Variants in GALNTL5 observed in about 807,000 individuals in gnomAD.
The protein encoded by GALNTL5 is polypeptide N-acetylgalactosaminyltransferase like 5.
GALNTL5 carries 44 observed loss-of-function variants against 51.0 expected under a neutral mutation model. The ratio of observed to expected loss-of-function variants is 0.86; its 90% CI spans 0.68 to 1.11. GALNTL5 has a LOEUF of 1.11. GALNTL5 is among the 50% of genes least tolerant of loss of function. GALNTL5 has a pLI of 0.00. For synonymous variants in GALNTL5, 192 were observed against 182.8 expected (o/e 1.05, Z -0.41); for missense variants, 528 against 531.8 (o/e 0.99, Z 0.07).
chr7:151,972,531 C>T (rs2081158016), intron 3 of GALNTL5, among the ~76,000 whole-genome samples: 1 of 152,120 alleles, frequency 6.6e-6, no homozygotes, highest in Non-Finnish European at 1.5e-5. Context: ...CATCACAGGC[C>T]CAGAGGCCTA....
intron 5 of GALNTL5, among the ~76,000 whole-genome samples, chr7:151,996,509 G>A (rs2081502582): frequency 6.6e-6 from 1 of 152,210 alleles, no homozygotes; most frequent in African/African-American, 2.4e-5. Flanking sequence ...GGAGGCTGAG[G>A]CGGGAGGATT....
At position 152,019,736 on chromosome 7, in the gene GALNTL5, A is replaced by G; in HGVS notation, c.1267A>G (p.Lys423Glu). 1 of 1,613,660 alleles carries G rather than the reference A, an allele frequency of 6.2e-7. No individual in the cohort carries two copies. The highest frequency in any genetic ancestry group is 1.1e-5 in the South Asian group (1 of 91,060). ...RVELRKRLGC[K>E]SFQWYLDNVF... ...TGAGTTAAGGAAACGACTGGGTTGC[A>G]AGTCATTTCAGTGGTATTTGGATAA... Residue 423 changes from lysine to glutamate, a missense_variant, in exon 9 of 9, where the codon AAG (lysine) becomes GAG (glutamate). Lys to Glu is a moderately conservative substitution (Grantham distance 56, BLOSUM62 1). Transcript: ENST00000392800.
At chr7:151,996,943 A>G (rs1261739727) in intron 5 of GALNTL5, among the ~76,000 whole-genome samples, 2 of 152,244 alleles carry the variant, frequency 1.3e-5, no homozygotes, top group Non-Finnish European at 2.9e-5. Flanking sequence ...AACGAAAATA[A>G]ATACAAAACA....
intron 5 of GALNTL5, among the ~76,000 whole-genome samples, chr7:152,001,434 T>A (rs914453153): frequency 6.6e-6 from 1 of 152,198 alleles, no homozygotes; most frequent in African/African-American, 2.4e-5. Context: ...ATTTGATTTT[T>A]AGTATGATAT....
chr7:152,014,267 G>A (rs1425385330), intron 7 of GALNTL5, among the ~76,000 whole-genome samples: 1 of 152,182 alleles, frequency 6.6e-6, no homozygotes, highest in Non-Finnish European at 1.5e-5. Flanking sequence ...ATGGGTTTTT[G>A]TGGTTGTCGT....
At chr7:151,987,820 G>A (rs1292365099) in intron 5 of GALNTL5, among the ~76,000 whole-genome samples, 1 of 152,232 alleles carries the variant, frequency 6.6e-6, no homozygotes, top group East Asian at 1.9e-4. Flanking sequence ...CAGACAAGGT[G>A]CAGGTCTCAG....
intron 4 of GALNTL5, among the ~76,000 whole-genome samples, chr7:151,986,860 G>A (rs953508715): frequency 2.6e-5 from 4 of 151,538 alleles, no homozygotes; most frequent in African/African-American, 9.7e-5. Context: ...CGAGTACCTG[G>A]GATTACAGGC....
chr7:152,014,450 T>G (rs903987513), intron 7 of GALNTL5, among the ~76,000 whole-genome samples, 194 bp from the exon 8 acceptor site: 1 of 152,002 alleles, frequency 6.6e-6, no homozygotes. Context: ...GTATTTTTAG[T>G]AGAGAGAGGG....
intron 5 of GALNTL5, among the ~76,000 whole-genome samples, chr7:151,997,829 T>G (rs2081519455): frequency 6.6e-6 from 1 of 152,208 alleles, no homozygotes; most frequent in Admixed American, 6.5e-5. Flanking sequence ...CAATTAGCCA[T>G]TTGGGAAAAT....
At chr7:152,005,154 T>C (rs893452775) in intron 6 of GALNTL5, among the ~76,000 whole-genome samples, 5 of 152,214 alleles carry the variant, frequency 3.3e-5, no homozygotes, top group Non-Finnish European at 7.3e-5. Context: ...CATTCATATC[T>C]GAAGATACAT....
Position 151,995,895 on chromosome 7 carries a change from C to G in GALNTL5, c.659-6819C>G, listed in dbSNP as rs191320879. Among the ~76,000 whole-genome samples the G allele has an allele frequency of 2.2e-4, 33 of 152,152 alleles. 1 individual carries two copies. The East Asian group carries it at 3.3e-3, about 15-fold the overall frequency. On this transcript the variant is annotated intron_variant, in intron 5 of 8. Coordinates refer to ENST00000392800, the MANE Select transcript of GALNTL5 (RefSeq NM_145292.4). ...ATCCCAGTTAAAGAAGCTAAGCTCC[C>G]GAAAGATTAGAGACTGGCTCTAGGT...
At chr7:152,014,847 G>T in intron 8 of GALNTL5, 54 bp downstream of exon 8, 1 of 1,499,272 alleles carries the variant, frequency 6.7e-7, no homozygotes, top group South Asian at 1.3e-5. Flanking sequence ...AGCAGGACTT[G>T]TTCTGAGGAA....
chr7:151,974,412 G>A (rs577726074), intron 3 of GALNTL5, among the ~76,000 whole-genome samples: 1 of 152,080 alleles, frequency 6.6e-6, no homozygotes, highest in Non-Finnish European at 1.5e-5. Flanking sequence ...CAGACAAAAA[G>A]GGCCAATATT....
intron 3 of GALNTL5, among the ~76,000 whole-genome samples, chr7:151,982,078 C>T (rs1563010498): frequency 6.6e-6 from 1 of 151,984 alleles, no homozygotes; most frequent in Non-Finnish European, 1.5e-5. Flanking sequence ...TTCCAGAATT[C>T]AGCTTCTATA....
intron 5 of GALNTL5, among the ~76,000 whole-genome samples, chr7:151,997,318 A>G (rs1435637213): frequency 5.3e-5 from 8 of 152,202 alleles, no homozygotes; most frequent in African/African-American, 1.9e-4. Flanking sequence ...CTCTAAAACC[A>G]ATAAATAGCA....
chr7:151,967,621 A>ATCT, intron 2 of GALNTL5, 128 bp downstream of exon 2: 2 of 647,850 alleles, frequency 3.1e-6, no homozygotes, highest in Non-Finnish European at 5.1e-6. Context: ...ATTATTTTAT[A>ATCT]TAGTGTATAT....
chr7:151,993,179 A>G (rs578122780), intron 5 of GALNTL5, among the ~76,000 whole-genome samples: 1 of 151,632 alleles, frequency 6.6e-6, no homozygotes, highest in Admixed American at 6.6e-5. Context: ...GGCTGCAGTG[A>G]GCCAAGATCA....
At chr7:152,002,603 G>A in intron 5 of GALNTL5, 111 bp from the exon 6 acceptor site, 1 of 1,165,270 alleles carries the variant, frequency 8.6e-7, no homozygotes, top group Non-Finnish European at 1.2e-6. Context: ...CACTGTAAGA[G>A]CCAAACACAT....
intron 3 of GALNTL5, among the ~76,000 whole-genome samples, chr7:151,975,833 G>T (rs1422361069): frequency 1.3e-5 from 2 of 151,828 alleles, no homozygotes; most frequent in Non-Finnish European, 2.9e-5. Context: ...TTGGCCCATT[G>T]GTTGGTTAGG....
Sources: allele counts gnomAD v4.1 joint callset (sites outside exome capture counted in the v4.1 genomes callset), GRCh38; gene constraint gnomAD v4.1.1; transcripts MANE v1.5; gene names NCBI Gene and HGNC (gene_info 2026-07-23, HGNC 2026-07-21).